Variants in CLUH observed in about 807,000 individuals in gnomAD.
CLUH encodes CLUH binding protein of NUMT mRNA.
A neutral mutation model predicts 139.3 loss-of-function variants in CLUH; 77 were observed. The observed-to-expected ratio is 0.55, with a 90% CI of 0.46 to 0.67. CLUH has a LOEUF of 0.67. Ranked by LOEUF, CLUH falls within the 30% of genes least tolerant of loss-of-function variation. CLUH has a pLI of 0.00. For missense variants in CLUH, 1,876 were observed against 1,875.8 expected (o/e 1.00, Z 0.00); for synonymous variants, 999 against 801.6 (o/e 1.25, Z -4.16).
chr17:2,696,175 C>A lies in CLUH; in HGVS notation c.2375G>T (p.Cys792Phe). ...CTCCCTCACCAAGCCAGGGATCTGG[C>A]AGGAGAGCAGGAAGGCAGCCGCGTC... ...LKDAAAFLLS[C>F]QIPGLVKDCM... The change falls in exon 13 of 26, where the codon TGC becomes TTC. Residue 792 changes from cysteine (C) to phenylalanine (F), a missense_variant. By Grantham distance (205) the Cys-to-Phe change is radical. Transcript: ENST00000651024. 1 of 1,563,444 alleles carries A rather than the reference C, an allele frequency of 6.4e-7. No individual in the cohort carries two copies. The highest frequency in any genetic ancestry group is 2.4e-5 in the East Asian group (1 of 41,968).
rs1567575484 is a variant in CLUH, at chr17:2,691,940, G to GC, written c.3655-46dup. On this transcript the variant is annotated intron_variant, in intron 23 of 25. Transcript: ENST00000651024. ...GATCAGGCCCCCCCGTGCCCCCGCG[G>GC]CCCCGCCCCCGCCCCGCCACGCCCC... The GC allele has an allele frequency of 8.3e-4, 1,072 of 1,298,800 alleles. 11 individuals are homozygous for GC. Among genetic ancestry groups the GC allele is most frequent in the Middle Eastern group, 3.0e-3 (11 of 3,698 alleles). 80.5% of individuals were successfully genotyped at this position (1,298,800 alleles called of 1,614,324 possible).
At chr17:2,708,481 C>T (rs1303369862) in intron 1 of CLUH, among the ~76,000 whole-genome samples, 1 of 152,090 alleles carries the variant, frequency 6.6e-6, no homozygotes, top group Non-Finnish European at 1.5e-5. Context: ...CCTAAACCGC[C>T]GTGCCAGCCC....
At chr17:2,697,745 GTGGGGACGGGTCTCCAATGA>G in intron 10 of CLUH, 131 bp downstream of exon 10, 1 of 756,692 alleles carries the variant, frequency 1.3e-6, no homozygotes, top group South Asian at 2.2e-5. Context: ...AGCAGGGCAG[GTGGGGACGGGTCTCCAATGA>G]CTGTGGCTAG....
In CLUH at chr17:2,698,291, G is replaced by C. The variant is rs367833103; in HGVS notation, c.1566C>G (p.Ala522=). The C allele has an allele frequency of 5.6e-6, 9 of 1,611,976 alleles. No homozygotes were observed. The African/African-American group carries it at 9.3e-5, about 17-fold the overall frequency. ...VVDYRGYRVT[A]QSIIPGILER... ...CCAGGATGCCGGGGATGATGGACTG[G>C]GCCGTGACCCGGTAGCCGCGGTAAT... The change falls in exon 10 of 26, where the codon GCC becomes GCG. Residue 522 remains alanine, a synonymous_variant. Coordinates refer to ENST00000651024, the MANE Select transcript of CLUH (RefSeq NM_001366661.1).
At chr17:2,692,164 G>A in intron 22 of CLUH, 67 bp from the exon 23 acceptor site, 1 of 1,495,650 alleles carries the variant, frequency 6.7e-7, no homozygotes, top group South Asian at 1.2e-5. Context: ...GCCTGACTCG[G>A]GGGCCCGGGG....
Position 2,695,227 on chromosome 17 carries a change from C to A in CLUH, c.2598G>T (p.Thr866=). 3.1e-6 allele frequency: 5 copies of A among 1,613,894 alleles called. No individual in the cohort carries two copies. Among genetic ancestry groups the A allele is most frequent in the African/African-American group, 1.3e-5 (1 of 75,062 alleles). The part of the protein sequence containing the change: ...ITRSAKHIFK[T]YLQGVELSGL... Reference sequence around the variant, plus strand: ...AGCGGACGGGTGGCACCTGTAAGTACGTCTTGAAGATGTGCTTGGCCGAGC... The same window carrying A: ...AGCGGACGGGTGGCACCTGTAAGTAAGTCTTGAAGATGTGCTTGGCCGAGC... Residue 866 remains threonine (T), a synonymous_variant, in exon 15 of 26, where the codon ACG becomes ACT. Coordinates refer to ENST00000651024, the MANE Select transcript of CLUH (RefSeq NM_001366661.1).
At chr17:2,702,835 T>C (rs533304990) in intron 3 of CLUH, among the ~76,000 whole-genome samples, 1 of 152,106 alleles carries the variant, frequency 6.6e-6, no homozygotes, top group Non-Finnish European at 1.5e-5. Flanking sequence ...GTTTTGTTTT[T>C]TTTTTTGAGA....
rs752312296 is a variant in CLUH, at chr17:2,692,598, T to A, written c.3411A>T (p.Glu1137Asp). Residue 1137 changes from glutamate to aspartate, a missense_variant, in exon 21 of 26, where the codon GAA becomes GAT. Around this residue, in one of 3 missense-constraint regions of CLUH, gnomAD observed 1,454 missense variants for 1,384.4 expected, o/e 1.05. Transcript: ENST00000651024. ...ARYLMLLVFG[E>D]DHPEMALLDN... ...CCAGCAGCGCCATCTCGGGGTGGTC[T>A]TCCCCGAACACCAGCAGCATGAGGT... 2.5e-6 allele frequency: 4 copies of A among 1,612,330 alleles called. No homozygotes were observed. In the Admixed American group the frequency reaches 6.7e-5, roughly 27 times the overall value.
intron 19 of CLUH, among the ~76,000 whole-genome samples, chr17:2,693,315 G>C (rs1392684342): frequency 6.6e-6 from 1 of 152,126 alleles, no homozygotes; most frequent in Non-Finnish European, 1.5e-5. Flanking sequence ...AGAATCGCTT[G>C]AGCCCAGGAG....
chr17:2,696,341 T>C (rs1334452771), intron 12 of CLUH, 82 bp from the exon 13 acceptor site: 4 of 1,505,974 alleles, frequency 2.7e-6, no homozygotes, highest in South Asian at 1.2e-5. Flanking sequence ...AGCGCTCAGA[T>C]GGGGGACAAA....
At position 2,692,001 on chromosome 17, in the gene CLUH, C is replaced by A. The variant is rs1282812928; in HGVS notation, c.3654+3G>T. On this transcript the variant is annotated splice_donor_region_variant and intron_variant, in intron 23 of 25. Coordinates refer to ENST00000651024, the MANE Select transcript of CLUH (RefSeq NM_001366661.1). ...CCGCCCCCGCCACGCCCCCGCCGCGCACCTGCGTCTTGTAGATGGTGTAAC... is the reference window on the plus strand; with the variant it reads ...CCGCCCCCGCCACGCCCCCGCCGCGAACCTGCGTCTTGTAGATGGTGTAAC... 6.7e-7 allele frequency: 1 copy of A among 1,492,098 alleles called. No homozygotes were observed. Among genetic ancestry groups the A allele is most frequent in the South Asian group, 1.2e-5 (1 of 81,550 alleles). The allele number at this position is 1,492,098 out of a possible 1,614,324, so 92.4% of individuals were successfully genotyped here. A position where few individuals can be genotyped will look rare whatever the true frequency, so the allele number is the denominator to read the frequency against.
In CLUH at chr17:2,702,147, C is replaced by T. The variant is rs184000252; in HGVS notation, c.476-90G>A. The T allele has an allele frequency of 7.2e-5, 105 of 1,459,298 alleles. 2 individuals are homozygous for T. In the Admixed American group the frequency reaches 2.5e-3, roughly 35 times the overall value. 90.4% of individuals were successfully genotyped at this position (1,459,298 alleles called of 1,614,324 possible). On this transcript the variant is annotated intron_variant, in intron 3 of 25. Coordinates refer to ENST00000651024, the MANE Select transcript of CLUH (RefSeq NM_001366661.1). ...ACAAAACAGGTTTTGGAGGTGCTAA[C>T]ACAGTGGTTTTAATTTTCAACTTTA...
chr17:2,700,997 G>A, intron 7 of CLUH, 143 bp downstream of exon 7: 1 of 1,469,994 alleles, frequency 6.8e-7, no homozygotes. Context: ...CTCGGCACTG[G>A]CCGACAGCTC....
In CLUH at chr17:2,698,973, G is replaced by C. The variant is rs996162635; in HGVS notation, c.1267-383C>G. 3.9e-4 allele frequency among the ~76,000 whole-genome samples: 60 copies of C among 152,126 alleles called. 1 individual carries two copies. Among genetic ancestry groups the C allele is most frequent in the Non-Finnish European group, 1.6e-4 (11 of 68,028 alleles). On this transcript the variant is annotated intron_variant, in intron 9 of 25. Transcript: ENST00000651024. ...GAGGCAGGAGAATTGCTTGAACCCG[G>C]GAGGTGGAGGTTACAGTGAGCCGAA...
chr17:2,694,822 T>TACCCC, intron 16 of CLUH, 35 bp downstream of exon 16: 78 of 1,346,308 alleles, frequency 5.8e-5, no homozygotes, highest in Non-Finnish European at 7.3e-5. Flanking sequence ...ATCTGCCCAA[T>TACCCC]CCCACCCACC....
Position 2,689,429 on chromosome 17 carries a change from G to A in CLUH, c.*1165C>T, listed in dbSNP as rs1018485480. 12 of 152,798 alleles carry A rather than the reference G, an allele frequency of 7.9e-5. No homozygotes were observed. Among genetic ancestry groups the A allele is most frequent in the African/African-American group, 2.6e-4 (11 of 41,564 alleles). 9.5% of individuals were successfully genotyped at this position (152,798 alleles called of 1,614,324 possible). ...TCACTTTATTCCAATGTGAAATGAG[G>A]ACGTGATGGTTTAAAAACAAGAAAA... On this transcript the variant is annotated 3_prime_UTR_variant, in exon 26 of 26. Transcript: ENST00000651024.
chr17:2,695,902 C>T (rs986693590), intron 13 of CLUH: 5 of 584,368 alleles, frequency 8.6e-6, no homozygotes, highest in Non-Finnish European at 1.5e-5. Flanking sequence ...GCTCTGGCCC[C>T]GTCCCCCAGC....
At position 2,694,129 on chromosome 17, in the gene CLUH, G is replaced by C. The variant is rs2069831222; in HGVS notation, c.3085C>G (p.Gln1029Glu). The change falls in exon 18 of 26, where the codon CAG becomes GAG. Residue 1029 changes from glutamine (Q) to glutamate (E), a missense_variant. Around this residue, in one of 3 missense-constraint regions of CLUH, gnomAD observed 1,454 missense variants for 1,384.4 expected, o/e 1.05. Transcript: ENST00000651024. ...HFFQSGQAKV[Q>E]QGFLKEGCEL... ...GCCCCACCTGGCCACACACCCTGCTGCACTTTGGCCTGCCCGCTCTGGAAG... is the reference window on the plus strand; with the variant it reads ...GCCCCACCTGGCCACACACCCTGCTCCACTTTGGCCTGCCCGCTCTGGAAG... The C allele has an allele frequency of 6.2e-7, 1 of 1,613,646 alleles. No homozygotes were observed. Among genetic ancestry groups the C allele is most frequent in the Non-Finnish European group, 8.5e-7 (1 of 1,179,804 alleles).
At position 2,690,678 on chromosome 17, in the gene CLUH, G is replaced by C. The variant is rs202053376; in HGVS notation, c.3963C>G (p.Thr1321=). Residue 1321 remains threonine (T), a synonymous_variant, in exon 26 of 26, where the codon ACC becomes ACG. Coordinates refer to ENST00000651024, the MANE Select transcript of CLUH (RefSeq NM_001366661.1). ...CTGGGGCCCCCGCTGGCGCGGGCTC[G>C]GTAGCCATGGGCTCCTCGGCTCTAT... ...NRDRAEEPMA[T]EPAPAGAPGD... is the part of the protein sequence containing the mutation. 2 of 1,562,630 alleles carry C rather than the reference G, an allele frequency of 1.3e-6. No individual in the cohort carries two copies. Among genetic ancestry groups the C allele is most frequent in the African/African-American group, 1.4e-5 (1 of 71,054 alleles).
Sources: gnomAD v4.1 joint callset for allele counts (sites outside exome capture counted in the v4.1 genomes callset) on GRCh38, gnomAD v4.1.1 for gene constraint, gnomAD v4.1.1 regional missense constraint, MANE v1.5 for transcripts, NCBI Gene and HGNC (gene_info 2026-07-23, HGNC 2026-07-21) for gene names.